Variants in CNTNAP5 observed in about 807,000 individuals in gnomAD.
CNTNAP5 encodes the protein contactin associated protein family member 5, also known as contactin-associated protein-like 5.
Under a neutral mutation model 150.2 loss-of-function variants are expected in CNTNAP5, and 72 were observed. The observed-to-expected ratio is 0.48, with a 90% CI of 0.40 to 0.58. CNTNAP5 has a LOEUF of 0.58. Ranked by LOEUF, CNTNAP5 falls within the 20% of genes least tolerant of loss-of-function variation. The pLI is 0.00. For synonymous variants in CNTNAP5, 672 were observed against 619.8 expected (o/e 1.08, Z -1.25); for missense variants, 1,636 against 1,626.2 (o/e 1.01, Z -0.10).
intron 8 of CNTNAP5, among the ~76,000 whole-genome samples, chr2:124,513,266 C>G (rs1301434172): frequency 2.6e-5 from 4 of 152,170 alleles, no homozygotes; most frequent in African/African-American, 9.7e-5. Context: ...CTGTGCATGT[C>G]TGTGTTCAAA....
intron 3 of CNTNAP5, among the ~76,000 whole-genome samples, chr2:124,306,666 T>C (rs1378545171): frequency 8.0e-5 from 12 of 150,738 alleles, no homozygotes; most frequent in Admixed American, 7.9e-4. Flanking sequence ...AGAACACACC[T>C]GCATGGTCAT....
intron 1 of CNTNAP5, among the ~76,000 whole-genome samples, chr2:124,065,139 T>G (rs1020044089): frequency 1.3e-5 from 2 of 152,118 alleles, no homozygotes; most frequent in African/African-American, 4.8e-5. Flanking sequence ...GCAGACTACC[T>G]TTTAAAAAGC....
intron 19 of CNTNAP5, 67 bp from the exon 20 acceptor site, chr2:124,865,239 T>C (rs1235496804): frequency 7.8e-7 from 1 of 1,275,498 alleles, no homozygotes. Context: ...TAAAAGATAA[T>C]CTGATCATGT....
intron 14 of CNTNAP5, among the ~76,000 whole-genome samples, chr2:124,752,292 CA>C (rs1377190728): frequency 6.6e-6 from 1 of 152,092 alleles, no homozygotes; most frequent in African/African-American, 2.4e-5. Context: ...TGGGTTCAAG[CA>C]ATCCTCCCAT....
intron 3 of CNTNAP5, among the ~76,000 whole-genome samples, chr2:124,316,804 C>CA (rs56812690): frequency 0.037 from 2,007 of 54,668 alleles, 108 homozygotes; most frequent in African/African-American, 0.086. Context: ...GACTCCATCT[C>CA]AAAAAAAAAA....
chr2:124,031,951 T>C lies in CNTNAP5; in HGVS notation c.82+6219T>C, dbSNP rs551536213. On this transcript the variant is annotated intron_variant, in intron 1 of 23. Coordinates refer to ENST00000682447, the MANE Select transcript of CNTNAP5 (RefSeq NM_001367498.1). ...GGTCAAGAGCAGATTTAAATGTTAA[T>C]AGTTTTTTTGTGTGTTATGCATTTG... is the stretch of plus-strand genomic sequence containing the variant. 2.6e-5 allele frequency among the ~76,000 whole-genome samples: 4 copies of C among 152,320 alleles called. No individual in the cohort carries two copies. In the South Asian group the frequency reaches 8.3e-4, roughly 32 times the overall value.
intron 3 of CNTNAP5, among the ~76,000 whole-genome samples, chr2:124,353,286 C>CAAAAAAAA (rs565907115): frequency 2.3e-5 from 2 of 88,280 alleles, no homozygotes; most frequent in Non-Finnish European, 4.3e-5. Context: ...AAAAACAGAC[C>CAAAAAAAA]AAAAAAAAAA....
At chr2:124,265,347 G>C (rs1687577884) in intron 3 of CNTNAP5, among the ~76,000 whole-genome samples, 1 of 152,078 alleles carries the variant, frequency 6.6e-6, no homozygotes, top group Admixed American at 6.6e-5. Context: ...GGGCGGCAGG[G>C]CACCTCTGCA....
At chr2:124,705,840 A>G (rs1679625601) in intron 13 of CNTNAP5, among the ~76,000 whole-genome samples, 1 of 152,164 alleles carries the variant, frequency 6.6e-6, no homozygotes, top group Admixed American at 6.5e-5. Context: ...TCTTGAAATT[A>G]ATAAAGCAAA....
At chr2:124,854,720 G>C (rs1161192126) in intron 19 of CNTNAP5, among the ~76,000 whole-genome samples, 1 of 152,172 alleles carries the variant, frequency 6.6e-6, no homozygotes, top group Non-Finnish European at 1.5e-5. Context: ...ATTCTCTTTA[G>C]ACACAAAGAT....
At chr2:124,508,461 C>T (rs1358606109) in intron 8 of CNTNAP5, among the ~76,000 whole-genome samples, 1 of 152,118 alleles carries the variant, frequency 6.6e-6, no homozygotes, top group Non-Finnish European at 1.5e-5. Context: ...TTGTAGGCCT[C>T]AGGTCAAAAA....
chr2:124,266,785 C>T (rs981953655), intron 3 of CNTNAP5, among the ~76,000 whole-genome samples: 5 of 152,104 alleles, frequency 3.3e-5, no homozygotes, highest in African/African-American at 1.2e-4. Flanking sequence ...AAACTCAGCC[C>T]CGTCAGCCAA....
At chr2:124,511,548 G>A (rs1694589860) in intron 8 of CNTNAP5, among the ~76,000 whole-genome samples, 2 of 152,168 alleles carry the variant, frequency 1.3e-5, no homozygotes, top group Admixed American at 1.3e-4. Context: ...TAGCCTCACT[G>A]TCCTCATTTG....
At chr2:124,204,557 A>C (rs1224792751) in intron 1 of CNTNAP5, among the ~76,000 whole-genome samples, 2 of 152,216 alleles carry the variant, frequency 1.3e-5, no homozygotes, top group African/African-American at 4.8e-5. Flanking sequence ...GAAATACTCC[A>C]GACTGTGTAA....
chr2:124,300,051 T>G (rs1688537526), intron 3 of CNTNAP5, among the ~76,000 whole-genome samples: 1 of 152,350 alleles, frequency 6.6e-6, no homozygotes, highest in Admixed American at 6.5e-5. Context: ...TTAAATCTCT[T>G]TCTCACACTA....
chr2:124,706,250 A>C, intron 13 of CNTNAP5, among the ~76,000 whole-genome samples: 1 of 152,208 alleles, frequency 6.6e-6, no homozygotes, highest in African/African-American at 2.4e-5. Context: ...AAAAGAAAAA[A>C]AAAGACAGAA....
chr2:124,678,415 A>T (rs1678992566), intron 13 of CNTNAP5, among the ~76,000 whole-genome samples: 1 of 151,598 alleles, frequency 6.6e-6, no homozygotes, highest in Non-Finnish European at 1.5e-5. Flanking sequence ...CTCTGCTAAT[A>T]CCTAACTACA....
At chr2:124,534,689 A>C (rs1272690360) in intron 10 of CNTNAP5, among the ~76,000 whole-genome samples, 1 of 152,210 alleles carries the variant, frequency 6.6e-6, no homozygotes, top group African/African-American at 2.4e-5. Flanking sequence ...CTTGGTCAAC[A>C]TGGCGAAACC....
intron 1 of CNTNAP5, among the ~76,000 whole-genome samples, chr2:124,129,248 A>G (rs919845534): frequency 1.3e-5 from 2 of 152,146 alleles, no homozygotes; most frequent in African/African-American, 2.4e-5. Context: ...ATTACTTAGA[A>G]AAAAAAGTAG....
Sources: allele counts gnomAD v4.1 joint callset (sites outside exome capture counted in the v4.1 genomes callset), GRCh38; gene constraint gnomAD v4.1.1; transcripts MANE v1.5; gene names NCBI Gene and HGNC (gene_info 2026-07-23, HGNC 2026-07-21).